UBE2QL1: variants seen among roughly 807,000 people sequenced by gnomAD.
UBE2QL1 encodes ubiquitin-conjugating enzyme E2Q-like protein 1.
Under a neutral mutation model 12.6 loss-of-function variants are expected in UBE2QL1, and 5 were observed. That is an observed-to-expected ratio of 0.40 (90% CI 0.21 to 0.83). The LOEUF is 0.83. Ranked by LOEUF, UBE2QL1 falls within the 40% of genes least tolerant of loss-of-function variation. The pLI is 0.37. For missense variants in UBE2QL1, 99 were observed against 222.6 expected, an observed-to-expected ratio of 0.44 and a Z score of 3.53; for synonymous variants, 96 against 94.5, an observed-to-expected ratio of 1.02 and a Z score of -0.10.
chr5:6,461,601 A>G (rs948873797), intron 1 of UBE2QL1, among the ~76,000 whole-genome samples: 2 of 135,234 alleles, frequency 1.5e-5, no homozygotes, highest in Non-Finnish European at 3.1e-5. Context: ...GTGGAAATGG[A>G]GCCTGCAATG....
Position 6,495,933 on chromosome 5 carries a change from G to T in UBE2QL1, c.*4584G>T, listed in dbSNP as rs1734658532. Among the ~76,000 whole-genome samples the T allele has an allele frequency of 6.6e-6, 1 of 152,156 alleles. No homozygotes were observed. Among genetic ancestry groups the T allele is most frequent in the Non-Finnish European group, 1.5e-5 (1 of 68,032 alleles). ...AGAATGTGGTCAATAATCTGGAAAG[G>T]CAAACAAACTCTGTTGACATTCGGG... is the stretch of plus-strand genomic sequence containing the variant. On this transcript the variant is annotated 3_prime_UTR_variant, in exon 2 of 2. Coordinates refer to ENST00000399816, the MANE Select transcript of UBE2QL1 (RefSeq NM_001145161.3).
At chr5:6,485,463 T>C (rs1024680037) in intron 1 of UBE2QL1, among the ~76,000 whole-genome samples, 1 of 152,254 alleles carries the variant, frequency 6.6e-6, no homozygotes, top group African/African-American at 2.4e-5. Context: ...TGAAAGATGC[T>C]TGTAAGCATT....
At position 6,495,189 on chromosome 5, in the gene UBE2QL1, C is replaced by T. The variant is rs1734645869; in HGVS notation, c.*3840C>T. Among the ~76,000 whole-genome samples, 1 of 152,192 alleles carries T rather than the reference C, an allele frequency of 6.6e-6. No homozygotes were observed. The highest frequency in any genetic ancestry group is 2.1e-4 in the South Asian group (1 of 4,830). On this transcript the variant is annotated 3_prime_UTR_variant, in exon 2 of 2. Transcript: ENST00000399816. Reference sequence around the variant, plus strand: ...GAACTGGAGTCCCCTTGCCACCTCTCACCTGCAGAGTCCCTATTCATGGAG... The same window carrying T: ...GAACTGGAGTCCCCTTGCCACCTCTTACCTGCAGAGTCCCTATTCATGGAG...
At chr5:6,449,849 C>G (rs1484244516) in intron 1 of UBE2QL1, among the ~76,000 whole-genome samples, 1 of 144,884 alleles carries the variant, frequency 6.9e-6, no homozygotes, top group South Asian at 2.2e-4. Flanking sequence ...TCCAACCTAG[C>G]TGATCTCCCA....
Position 6,491,452 on chromosome 5 carries a change from C to T in UBE2QL1, c.*103C>T. 7.2e-7 allele frequency: 1 copy of T among 1,396,932 alleles called. No homozygotes were observed. The highest frequency in any genetic ancestry group is 9.4e-7 in the Non-Finnish European group (1 of 1,062,018). The allele number at this position is 1,396,932 out of a possible 1,614,324, so 86.5% of individuals were successfully genotyped here. ...ATCCTCCACCCGTTTTTACTCCAGC[C>T]AGAACTGCATCCTGAATGCCCAGGA... On this transcript the variant is annotated 3_prime_UTR_variant, in exon 2 of 2. Transcript: ENST00000399816.
At chr5:6,464,089 T>C (rs913966816) in intron 1 of UBE2QL1, among the ~76,000 whole-genome samples, 1 of 152,118 alleles carries the variant, frequency 6.6e-6, no homozygotes, top group Non-Finnish European at 1.5e-5. Context: ...TCTCCTGTCT[T>C]CTAAGGGCTT....
chr5:6,471,927 C>T (rs767796504), intron 1 of UBE2QL1, among the ~76,000 whole-genome samples: 3 of 152,142 alleles, frequency 2.0e-5, no homozygotes, highest in Non-Finnish European at 4.4e-5. Flanking sequence ...CTTTTTGTCT[C>T]AGGTGTAGGG....
rs549836600 is a variant in UBE2QL1, at chr5:6,476,487, C to T, written c.355-14731C>T. ...GGGTTGCTGCAGGAAGAAGCTTTGC[C>T]AGGGCTGTGCTGTCCTGACTCAATG... On this transcript the variant is annotated intron_variant, in intron 1 of 1. Transcript: ENST00000399816. This position sits in a 1 kb window ranked among gnomAD's most constrained non-coding sequence, Gnocchi z 4.9. Among the ~76,000 whole-genome samples, 22 of 152,262 alleles carry T rather than the reference C, an allele frequency of 1.4e-4. No homozygotes were observed. The highest frequency in any genetic ancestry group is 5.3e-4 in the African/African-American group (22 of 41,532).
intron 1 of UBE2QL1, among the ~76,000 whole-genome samples, chr5:6,471,819 C>G (rs544657870): frequency 6.6e-6 from 1 of 152,202 alleles, no homozygotes; most frequent in Non-Finnish European, 1.5e-5. Flanking sequence ...ATGTTCAAAT[C>G]AGTTATGGAT....
intron 1 of UBE2QL1, among the ~76,000 whole-genome samples, chr5:6,477,997 T>G (rs1734275630): frequency 6.6e-6 from 1 of 152,160 alleles, no homozygotes; most frequent in Admixed American, 6.5e-5. Flanking sequence ...GGGCATAAAT[T>G]AAATCTCACA....
intron 1 of UBE2QL1, among the ~76,000 whole-genome samples, chr5:6,461,574 G>A (rs1739667162): frequency 9.6e-6 from 1 of 104,288 alleles, no homozygotes; most frequent in Non-Finnish European, 1.9e-5. Context: ...ATTCTAGGAA[G>A]GAATATTATC....
chr5:6,465,194 CCAGGCTGGTCTCAAACTTTTGACCT>C (rs1221406290), intron 1 of UBE2QL1, among the ~76,000 whole-genome samples: 2 of 152,070 alleles, frequency 1.3e-5, no homozygotes, highest in African/African-American at 4.8e-5. Flanking sequence ...ACCACATTGG[CCAGGCTGGTCTCAAACTTTTGACCT>C]CAGGTGATCT....
chr5:6,472,353 C>G (rs548320304), intron 1 of UBE2QL1, among the ~76,000 whole-genome samples: 1 of 152,138 alleles, frequency 6.6e-6, no homozygotes, highest in Non-Finnish European at 1.5e-5. Flanking sequence ...GCACGAGCCT[C>G]GGTATGTGGA....
At chr5:6,474,885 C>T (rs2651946) in intron 1 of UBE2QL1, among the ~76,000 whole-genome samples, 94,992 of 151,908 alleles carry the variant, frequency 0.63, 34,152 homozygotes, top group East Asian at 0.91. Context: ...CCACCTCCAG[C>T]ACCTGACAGC....
chr5:6,486,326 G>GCA (rs376249394), intron 1 of UBE2QL1, among the ~76,000 whole-genome samples: 19 of 149,034 alleles, frequency 1.3e-4, no homozygotes, highest in South Asian at 4.3e-4. Context: ...ACACACACAA[G>GCA]CACACACACA....
intron 1 of UBE2QL1, among the ~76,000 whole-genome samples, chr5:6,488,958 A>G (rs1734516187): frequency 6.6e-6 from 1 of 152,234 alleles, no homozygotes; most frequent in Admixed American, 6.5e-5. Context: ...CTTTTTATCA[A>G]GCATAATTAC....
At chr5:6,454,253 C>A (rs1739472103) in intron 1 of UBE2QL1, among the ~76,000 whole-genome samples, 2 of 152,112 alleles carry the variant, frequency 1.3e-5, no homozygotes. Flanking sequence ...ACCTGGAAGT[C>A]CAAGATCAAG....
chr5:6,486,227 C>T (rs1560936988), intron 1 of UBE2QL1, among the ~76,000 whole-genome samples: 1 of 152,104 alleles, frequency 6.6e-6, no homozygotes, highest in Non-Finnish European at 1.5e-5. Context: ...CCCAAGGTCA[C>T]ACAGCCAGGA....
intron 1 of UBE2QL1, among the ~76,000 whole-genome samples, chr5:6,454,716 A>G (rs824624): frequency 0.84 from 127,100 of 152,096 alleles, 53,400 homozygotes; most frequent in Middle Eastern, 0.88. Flanking sequence ...AGCTAGAACA[A>G]CCTAGAGCAA....
Sources: allele counts gnomAD v4.1 joint callset (sites outside exome capture counted in the v4.1 genomes callset), GRCh38; gene constraint gnomAD v4.1.1; non-coding constraint Gnocchi (gnomAD v3.1); transcripts MANE v1.5; gene names NCBI Gene and HGNC (gene_info 2026-07-23, HGNC 2026-07-21).